STRBP: variants seen among roughly 807,000 people sequenced by gnomAD.
STRBP encodes spermatid perinuclear RNA binding protein.
Under a neutral mutation model 80.1 loss-of-function variants are expected in STRBP, and 13 were observed. The ratio of observed to expected loss-of-function variants is 0.16; its 90% CI spans 0.11 to 0.26. STRBP has a LOEUF of 0.26. Ranked by LOEUF, STRBP falls within the 10% of genes least tolerant of loss-of-function variation. The pLI, the probability that STRBP is intolerant of heterozygous loss-of-function variation, is 1.00. For missense variants in STRBP, 485 were observed against 815.2 expected (o/e 0.59, Z 4.93); for synonymous variants, 284 against 291.2 (o/e 0.98, Z 0.25).
intron 11 of STRBP, among the ~76,000 whole-genome samples, chr9:123,151,628 T>C (rs2132367122): frequency 6.6e-6 from 1 of 152,230 alleles, no homozygotes; most frequent in South Asian, 2.1e-4. Flanking sequence ...AAAAAATAGC[T>C]TTAACTAAAT....
intron 7 of STRBP, 89 bp downstream of exon 7, chr9:123,160,888 G>T: frequency 9.5e-7 from 1 of 1,054,248 alleles, no homozygotes; most frequent in Non-Finnish European, 1.4e-6. Context: ...CTCATTTTAT[G>T]TAGTACACAG....
At chr9:123,225,679 T>A (rs577333704) in intron 2 of STRBP, among the ~76,000 whole-genome samples, 6 of 152,196 alleles carry the variant, frequency 3.9e-5, no homozygotes, top group Non-Finnish European at 7.3e-5. Flanking sequence ...CCTGATGGTA[T>A]TGGCGATTCA....
chr9:123,114,932 G>A lies in STRBP; in HGVS notation c.*84+997C>T, dbSNP rs77078010. 9 of 325,588 alleles carry A rather than the reference G, an allele frequency of 2.8e-5. No individual in the cohort carries two copies. The East Asian group carries it at 5.3e-4, about 19-fold the overall frequency. The allele number at this position is 325,588 out of a possible 1,614,324, so 20.2% of individuals were successfully genotyped here. ...TGCCTCTCCATCCCTCTGCTGCTGCGCTCCATCAGCCTCCCTCACGCCTCG... is the reference window on the plus strand; with the variant it reads ...TGCCTCTCCATCCCTCTGCTGCTGCACTCCATCAGCCTCCCTCACGCCTCG... On this transcript the variant is annotated intron_variant and NMD_transcript_variant, in intron 3 of 3. Coordinates refer to the STRBP transcript ENST00000471564.
At chr9:123,213,482 T>C (rs1042212298) in intron 2 of STRBP, 11 of 152,222 alleles carry the variant, frequency 7.2e-5, no homozygotes, top group African/African-American at 2.4e-4. Context: ...CTCAGCTACA[T>C]CTTTTACATG....
At chr9:123,216,976 C>G (rs1306423316) in intron 2 of STRBP, among the ~76,000 whole-genome samples, 2 of 152,182 alleles carry the variant, frequency 1.3e-5, no homozygotes, top group Admixed American at 6.5e-5. Flanking sequence ...ACCTATGGTT[C>G]TCTACAATTT....
intron 9 of STRBP, 122 bp from the exon 10 acceptor site, chr9:123,158,551 G>C: frequency 1.3e-6 from 1 of 798,626 alleles, no homozygotes; most frequent in Non-Finnish European, 2.0e-6. Flanking sequence ...GAGGAACTAA[G>C]TTAAAAGTCT....
chr9:123,182,563 T>C (rs2038523246), intron 3 of STRBP, among the ~76,000 whole-genome samples: 1 of 152,160 alleles, frequency 6.6e-6, no homozygotes, highest in Admixed American at 6.5e-5. Context: ...TTTTTCACAT[T>C]TCACCACATA....
chr9:123,177,068 T>C (rs550550525), intron 4 of STRBP, among the ~76,000 whole-genome samples: 1 of 152,212 alleles, frequency 6.6e-6, no homozygotes, highest in East Asian at 1.9e-4. Context: ...TGGTTAACAC[T>C]CACCAGGTGC....
chr9:123,164,081 CTG>C, intron 6 of STRBP, among the ~76,000 whole-genome samples: 1 of 152,290 alleles, frequency 6.6e-6, no homozygotes, highest in Admixed American at 6.5e-5. Context: ...GAATCTCACT[CTG>C]TAGCCCAGCT....
In STRBP at chr9:123,193,116, A is replaced by T. The variant is rs1474755043; in HGVS notation, c.-164-8818T>A. Among the ~76,000 whole-genome samples the T allele has an allele frequency of 2.0e-5, 3 of 152,120 alleles. No individual in the cohort carries two copies. The East Asian group carries it at 5.8e-4, about 29-fold the overall frequency. ...CTACCCCTCCATGAAGCCTTACCTA[A>T]TACTTCAGTTTATATAATTTCTTCC... On this transcript the variant is annotated intron_variant, in intron 2 of 18. Coordinates refer to ENST00000348403, the MANE Select transcript of STRBP (RefSeq NM_018387.5).
At chr9:123,175,793 G>A (rs1162862240) in intron 4 of STRBP, among the ~76,000 whole-genome samples, 1 of 152,020 alleles carries the variant, frequency 6.6e-6, no homozygotes, top group African/African-American at 2.4e-5. Flanking sequence ...CCTCCTTACT[G>A]GCCTTTCTGA....
chr9:123,140,108 A>G (rs894840291), intron 13 of STRBP, among the ~76,000 whole-genome samples: 5 of 152,170 alleles, frequency 3.3e-5, no homozygotes, highest in African/African-American at 1.2e-4. Context: ...CTGGCCCTCA[A>G]TTTTCCAATC....
At chr9:123,153,346 A>G (rs1401884967) in intron 11 of STRBP, among the ~76,000 whole-genome samples, 1 of 151,960 alleles carries the variant, frequency 6.6e-6, no homozygotes, top group Non-Finnish European at 1.5e-5. Flanking sequence ...GCATGCCACC[A>G]CGCCCAGCTA....
chr9:123,261,302 A>G (rs1407015008), intron 1 of STRBP, among the ~76,000 whole-genome samples: 2 of 152,194 alleles, frequency 1.3e-5, no homozygotes, highest in Non-Finnish European at 2.9e-5. Context: ...AAAGAGGCAG[A>G]TTTCAAATTT....
At chr9:123,231,576 G>A (rs1010126724) in intron 2 of STRBP, among the ~76,000 whole-genome samples, 7 of 152,104 alleles carry the variant, frequency 4.6e-5, no homozygotes, top group African/African-American at 1.4e-4. Flanking sequence ...ACTCAAGTCA[G>A]GAGACCAGGG....
intron 11 of STRBP, among the ~76,000 whole-genome samples, chr9:123,153,567 C>CA (rs1229445472): frequency 1.3e-5 from 2 of 152,170 alleles, no homozygotes; most frequent in South Asian, 2.1e-4. Flanking sequence ...AAGGGCAACT[C>CA]AGAGAATCCT....
intron 2 of STRBP, among the ~76,000 whole-genome samples, chr9:123,191,886 T>G (rs1381257175): frequency 6.6e-6 from 1 of 152,174 alleles, no homozygotes; most frequent in Non-Finnish European, 1.5e-5. Context: ...CTAAGTCATA[T>G]CTTTAAAAGA....
rs77089732 is a variant in STRBP, at chr9:123,140,768, G to A, written c.1339-1081C>T. ...GTTCAAACTTCTTATACTTTCAGTC[G>A]ATCCCCAGGATTTGTCTTACTTTTT... On this transcript the variant is annotated intron_variant, in intron 13 of 18. Coordinates refer to ENST00000348403, the MANE Select transcript of STRBP (RefSeq NM_018387.5). Among the ~76,000 whole-genome samples, 1,308 of 152,240 alleles carry A rather than the reference G, an allele frequency of 8.6e-3. 15 individuals carry two copies. Among genetic ancestry groups the A allele is most frequent in the Non-Finnish European group, 0.014 (920 of 68,020 alleles).
At chr9:123,259,436 A>G (rs539820832) in intron 1 of STRBP, among the ~76,000 whole-genome samples, 19 of 152,230 alleles carry the variant, frequency 1.2e-4, no homozygotes, top group Non-Finnish European at 2.2e-4. Flanking sequence ...GCCAGGCGCA[A>G]TGGCTCACGC....
Sources: gnomAD v4.1 joint callset for allele counts (sites outside exome capture counted in the v4.1 genomes callset) on GRCh38, gnomAD v4.1.1 for gene constraint, MANE v1.5 for transcripts, NCBI Gene and HGNC (gene_info 2026-07-23, HGNC 2026-07-21) for gene names.